The following AFG2A variants were observed in gnomAD, a reference collection of about 807,000 sequenced individuals.
The protein encoded by AFG2A is ATPase family gene 2 protein homolog A.
At chr4:123,301,856 A>G in the AFG2A span, among the ~76,000 whole-genome samples, 1 of 152,196 alleles carries the variant, frequency 6.6e-6, no homozygotes. Context: ...GGAGAATGGG[A>G]AAGTAGTGAA....
the AFG2A span, among the ~76,000 whole-genome samples, chr4:123,312,398 A>C: frequency 6.6e-6 from 1 of 152,156 alleles, no homozygotes; most frequent in Non-Finnish European, 1.5e-5. Context: ...CCATTGCTTC[A>C]AATTCTTGTC....
chr4:123,225,114 C>G, the AFG2A span, among the ~76,000 whole-genome samples: 1 of 152,108 alleles, frequency 6.6e-6, no homozygotes, highest in South Asian at 2.1e-4. Flanking sequence ...GATATTAGCC[C>G]TTTGTCAGAT....
the AFG2A span, chr4:123,057,404 TAAA>T: frequency 8.8e-7 from 1 of 1,139,472 alleles, no homozygotes; most frequent in South Asian, 1.7e-5. Flanking sequence ...ACATTTGGCC[TAAA>T]AAAGTTTTCA....
the AFG2A span, among the ~76,000 whole-genome samples, chr4:123,225,448 C>A: frequency 6.6e-6 from 1 of 152,300 alleles, no homozygotes; most frequent in Admixed American, 6.5e-5. Flanking sequence ...GTTTTCCCAG[C>A]ACCATTTATT....
chr4:123,044,505 C>T, the AFG2A span, among the ~76,000 whole-genome samples: 92 of 152,220 alleles, frequency 6.0e-4, 1 homozygote, highest in Admixed American at 4.6e-3. Context: ...CATAAATTTG[C>T]TTCTTCTTGC....
At chr4:123,027,622 C>G in the AFG2A span, among the ~76,000 whole-genome samples, 2 of 152,080 alleles carry the variant, frequency 1.3e-5, no homozygotes, top group Admixed American at 6.6e-5. Context: ...TCTCATTATT[C>G]TATTTCTTGT....
At chr4:123,270,661 AAG>A in the AFG2A span, among the ~76,000 whole-genome samples, 1 of 152,224 alleles carries the variant, frequency 6.6e-6, no homozygotes, top group Non-Finnish European at 1.5e-5. Context: ...TTTAAAAAGA[AAG>A]AGGAATATAA....
the AFG2A span, among the ~76,000 whole-genome samples, chr4:123,028,951 A>G: frequency 1.3e-5 from 2 of 152,248 alleles, no homozygotes; most frequent in East Asian, 3.8e-4. Flanking sequence ...CACTTACTTT[A>G]GGACCAGATA....
chr4:123,111,744 A>C, the AFG2A span, among the ~76,000 whole-genome samples: 2 of 151,768 alleles, frequency 1.3e-5, no homozygotes, highest in African/African-American at 4.8e-5. Flanking sequence ...TATTATTATT[A>C]TTATTATTTT....
the AFG2A span, among the ~76,000 whole-genome samples, chr4:123,048,314 T>G: frequency 6.6e-6 from 1 of 152,172 alleles, no homozygotes; most frequent in African/African-American, 2.4e-5. Flanking sequence ...CTTCGTTCTT[T>G]TAGCTCAGGA....
At chr4:123,083,124 C>T in the AFG2A span, among the ~76,000 whole-genome samples, 1 of 152,090 alleles carries the variant, frequency 6.6e-6, no homozygotes, top group African/African-American at 2.4e-5. Context: ...TCTTCCTCCC[C>T]TATCTGTACC....
the AFG2A span, among the ~76,000 whole-genome samples, chr4:122,954,181 AGGTGCT>A: frequency 6.6e-6 from 1 of 152,104 alleles, no homozygotes; most frequent in South Asian, 2.1e-4. Context: ...GGCACCATAG[AGGTGCT>A]GCCTCAGGGC....
At chr4:122,967,210 C>T in the AFG2A span, among the ~76,000 whole-genome samples, 3 of 152,096 alleles carry the variant, frequency 2.0e-5, no homozygotes, top group Admixed American at 2.0e-4. Context: ...TGAGACCAGC[C>T]TGGGCAATGT....
chr4:123,016,336 C>T, the AFG2A span, among the ~76,000 whole-genome samples: 3 of 150,418 alleles, frequency 2.0e-5, no homozygotes, highest in South Asian at 6.4e-4. Context: ...GGGGTGGCTG[C>T]CGGGTGGAGG....
At chr4:123,088,288 T>C in the AFG2A span, among the ~76,000 whole-genome samples, 1 of 152,184 alleles carries the variant, frequency 6.6e-6, no homozygotes, top group African/African-American at 2.4e-5. Context: ...CAGCCCACCT[T>C]GACTCTCCTG....
chr4:123,111,001 C>A, the AFG2A span, among the ~76,000 whole-genome samples: 7 of 152,154 alleles, frequency 4.6e-5, no homozygotes, highest in African/African-American at 1.7e-4. Flanking sequence ...AACTTATACT[C>A]TAGACATTTA....
chr4:123,060,876 T>C, the AFG2A span, among the ~76,000 whole-genome samples: 1 of 152,156 alleles, frequency 6.6e-6, no homozygotes, highest in Non-Finnish European at 1.5e-5. Flanking sequence ...CCTTGTCACA[T>C]CTTGACTGCT....
the AFG2A span, among the ~76,000 whole-genome samples, chr4:123,059,260 G>A: frequency 3.3e-5 from 5 of 150,626 alleles, no homozygotes; most frequent in East Asian, 2.0e-4. Flanking sequence ...CCATTAACTC[G>A]TCATTTAGCA....
At chr4:123,161,501 T>A in the AFG2A span, among the ~76,000 whole-genome samples, 3,325 of 152,224 alleles carry the variant, frequency 0.022, 65 homozygotes, top group Non-Finnish European at 0.035. Flanking sequence ...ATGGAAATAA[T>A]ACTCTAGGCA....
Sources: allele counts gnomAD v4.1 joint callset (sites outside exome capture counted in the v4.1 genomes callset), GRCh38; gene constraint gnomAD v4.1.1; transcripts MANE v1.5; gene names NCBI Gene and HGNC (gene_info 2026-07-23, HGNC 2026-07-21).